The following SLC2A9 variants were observed in gnomAD, a reference collection of about 807,000 sequenced individuals.
SLC2A9 encodes solute carrier family 2 member 9, also known as solute carrier family 2, facilitated glucose transporter member 9.
In SLC2A9, 39 loss-of-function variants were observed where a neutral mutation model predicts 50.6. That is an observed-to-expected ratio of 0.77 (90% confidence interval 0.60 to 1.01). SLC2A9 has a LOEUF of 1.01. Among genes scored for constraint, SLC2A9 ranks in the 50% least tolerant of loss-of-function variants. SLC2A9 has a pLI of 0.00. For missense variants in SLC2A9, 686 were observed against 677.6 expected (o/e 1.01, Z -0.14); for synonymous variants, 324 against 276.9 (o/e 1.17, Z -1.69).
downstream of SLC2A9, among the ~76,000 whole-genome samples, chr4:9,775,163 G>A (rs1338059133): frequency 1.3e-5 from 2 of 152,232 alleles, no homozygotes; most frequent in Non-Finnish European, 2.9e-5. Context: ...AGCCATTGAT[G>A]CTGGTTGTTT....
At chr4:9,962,691 C>T (rs926136302) in intron 5 of SLC2A9, among the ~76,000 whole-genome samples, 1 of 152,078 alleles carries the variant, frequency 6.6e-6, no homozygotes, top group Non-Finnish European at 1.5e-5. Context: ...CAAACCTGCA[C>T]ACCCTGCGCA....
chr4:10,032,159 A>G (rs1179009975), intron 1 of SLC2A9, among the ~76,000 whole-genome samples: 1 of 152,208 alleles, frequency 6.6e-6, no homozygotes, highest in Non-Finnish European at 1.5e-5. Flanking sequence ...TAACCAACAC[A>G]CTTAAATTGA....
At chr4:9,855,274 A>G (rs1338298906) in intron 10 of SLC2A9, among the ~76,000 whole-genome samples, 2 of 152,268 alleles carry the variant, frequency 1.3e-5, no homozygotes, top group African/African-American at 2.4e-5. Context: ...TCAAGATACA[A>G]AATTAATGCA....
intron 3 of SLC2A9, among the ~76,000 whole-genome samples, chr4:9,993,112 C>G: frequency 6.6e-6 from 1 of 152,238 alleles, no homozygotes. Context: ...CAGTACCTTA[C>G]TCCTTGTAGG....
At chr4:10,028,498 T>G (rs990550159) in intron 1 of SLC2A9, among the ~76,000 whole-genome samples, 4 of 152,164 alleles carry the variant, frequency 2.6e-5, no homozygotes, top group Admixed American at 2.0e-4. Flanking sequence ...TGAGTTAACC[T>G]CTCTGAGCTC....
At chr4:9,907,019 G>A (rs1351721411) in intron 8 of SLC2A9, among the ~76,000 whole-genome samples, 1 of 152,250 alleles carries the variant, frequency 6.6e-6, no homozygotes, top group Non-Finnish European at 1.5e-5. Flanking sequence ...AAAATGAAAT[G>A]TTCTGTCAAC....
At chr4:9,942,414 C>T (rs772072281) in intron 5 of SLC2A9, among the ~76,000 whole-genome samples, 1 of 152,208 alleles carries the variant, frequency 6.6e-6, no homozygotes, top group Non-Finnish European at 1.5e-5. Context: ...AGGGCTGCCT[C>T]CCAGGCTGCC....
chr4:9,982,030 C>A (rs533056052), intron 4 of SLC2A9, among the ~76,000 whole-genome samples: 11 of 152,152 alleles, frequency 7.2e-5, no homozygotes, highest in African/African-American at 2.7e-4. Flanking sequence ...TATAGGCATG[C>A]GCCACCACGC....
intron 10 of SLC2A9, among the ~76,000 whole-genome samples, chr4:9,853,853 A>G (rs1730334734): frequency 6.6e-6 from 1 of 152,244 alleles, no homozygotes; most frequent in Admixed American, 6.5e-5. Context: ...ACTGAAAACC[A>G]TACAATTACA....
chr4:9,854,247 CTAAT>C (rs1730401297), intron 10 of SLC2A9, among the ~76,000 whole-genome samples: 1 of 151,822 alleles, frequency 6.6e-6, no homozygotes, highest in African/African-American at 2.4e-5. Context: ...ACTATCTAAA[CTAAT>C]TAAAAAAGAG....
chr4:9,847,041 A>T (rs1350435558), intron 10 of SLC2A9, among the ~76,000 whole-genome samples: 1 of 152,248 alleles, frequency 6.6e-6, no homozygotes, highest in African/African-American at 2.4e-5. Flanking sequence ...TCTTGTACAT[A>T]AAATGAGGAC....
intron 5 of SLC2A9, among the ~76,000 whole-genome samples, chr4:9,950,377 G>A (rs991968368): frequency 1.2e-4 from 19 of 152,110 alleles, no homozygotes; most frequent in Non-Finnish European, 2.4e-4. Context: ...CACCCACATA[G>A]AGCCCCCCCA....
chr4:9,976,160 C>T (rs1233577809), intron 5 of SLC2A9, among the ~76,000 whole-genome samples: 2 of 152,164 alleles, frequency 1.3e-5, no homozygotes, highest in Non-Finnish European at 2.9e-5. Flanking sequence ...ATGTTCAGTA[C>T]TTGTGTGATG....
At chr4:9,844,747 T>G (rs1238064362) in intron 10 of SLC2A9, among the ~76,000 whole-genome samples, 1 of 152,226 alleles carries the variant, frequency 6.6e-6, no homozygotes, top group African/African-American at 2.4e-5. Flanking sequence ...AAACCTGATA[T>G]AAATTCCCAT....
At chr4:10,020,250 G>T (rs1359673138) in intron 1 of SLC2A9, among the ~76,000 whole-genome samples, 1 of 152,148 alleles carries the variant, frequency 6.6e-6, no homozygotes, top group Non-Finnish European at 1.5e-5. Flanking sequence ...CCAGCCACGA[G>T]ATAGAGCTTT....
At chr4:9,896,568 A>G (rs1738597495) in intron 8 of SLC2A9, among the ~76,000 whole-genome samples, 2 of 152,192 alleles carry the variant, frequency 1.3e-5, no homozygotes, top group South Asian at 2.1e-4. Context: ...TATCTCCTTA[A>G]CAATACCTTT....
At chr4:9,937,894 C>T (rs1339207075) in intron 6 of SLC2A9, among the ~76,000 whole-genome samples, 5 of 152,198 alleles carry the variant, frequency 3.3e-5, no homozygotes, top group African/African-American at 1.2e-4. Flanking sequence ...GCCTACAAAG[C>T]ACAAAGCCCA....
At chr4:9,831,176 G>A (rs1212457296) in intron 11 of SLC2A9, among the ~76,000 whole-genome samples, 1 of 152,118 alleles carries the variant, frequency 6.6e-6, no homozygotes, top group East Asian at 1.9e-4. Context: ...CAAGTTGTGT[G>A]AGTAGTTTCT....
At chr4:10,012,431 T>G (rs1427804743) in intron 2 of SLC2A9, among the ~76,000 whole-genome samples, 2 of 152,240 alleles carry the variant, frequency 1.3e-5, no homozygotes, top group Non-Finnish European at 2.9e-5. Flanking sequence ...TATAAATGCT[T>G]ACAATGTGTC....
Sources: allele counts gnomAD v4.1 joint callset (sites outside exome capture counted in the v4.1 genomes callset), GRCh38; gene constraint gnomAD v4.1.1; transcripts MANE v1.5; gene names NCBI Gene and HGNC (gene_info 2026-07-23, HGNC 2026-07-21).